The following VIL1 variants were observed in gnomAD, a reference collection of about 807,000 sequenced individuals.
VIL1 encodes villin 1, also known as villin-1.
In VIL1, 86 loss-of-function variants were observed where a neutral mutation model predicts 104.0. That is an observed-to-expected ratio of 0.83 (90% CI 0.69 to 0.99). The LOEUF (loss-of-function observed/expected upper bound fraction) is 0.99, where lower values mean the gene tolerates loss of function less well. Among genes scored for constraint, VIL1 ranks in the 50% least tolerant of loss-of-function variants. The pLI, the probability that VIL1 is intolerant of heterozygous loss-of-function variation, is 0.00. For missense variants in VIL1, 944 were observed against 1,054.1 expected (o/e 0.90, Z 1.45); for synonymous variants, 394 against 412.6 (o/e 0.95, Z 0.55).
intron 10 of VIL1, 104 bp downstream of exon 10, chr2:218,430,982 C>A: frequency 1.4e-6 from 2 of 1,442,104 alleles, no homozygotes; most frequent in Non-Finnish European, 1.9e-6. Flanking sequence ...GCATCTTCAA[C>A]GAAGACTTTT....
At chr2:218,443,354 C>T (rs754512608) in intron 19 of VIL1, among the ~76,000 whole-genome samples, 8 of 151,956 alleles carry the variant, frequency 5.3e-5, no homozygotes, top group Admixed American at 1.3e-4. Context: ...CACACCACCA[C>T]GCCTGTCTAA....
At chr2:218,420,020 C>T (rs1688872244) in intron 1 of VIL1, among the ~76,000 whole-genome samples, 1 of 152,164 alleles carries the variant, frequency 6.6e-6, no homozygotes, top group Non-Finnish European at 1.5e-5. Flanking sequence ...GACTTCACCC[C>T]CACTGCCCCA....
chr2:218,427,176 C>T (rs984913813), intron 4 of VIL1, among the ~76,000 whole-genome samples: 2 of 152,176 alleles, frequency 1.3e-5, no homozygotes, highest in African/African-American at 4.8e-5. Flanking sequence ...AGCCACAGTT[C>T]CCACTCTTTT....
chr2:218,432,655 C>A lies in VIL1; in HGVS notation c.1342-138C>A, dbSNP rs1170324580. The A allele has an allele frequency of 6.0e-6, 7 of 1,169,452 alleles. No individual in the cohort carries two copies. The East Asian group carries it at 1.5e-4, about 25-fold the overall frequency. 72.4% of individuals were successfully genotyped at this position (1,169,452 alleles called of 1,614,324 possible). A position where few individuals can be genotyped will look rare whatever the true frequency, so the allele number is the denominator to read the frequency against. On this transcript the variant is annotated intron_variant, in intron 12 of 19. Transcript: ENST00000248444. ...GTTCAGATTGGGGTTTTGGCTGTTT[C>A]ACAGTGGAGTTTGGTGGGGAAGACA...
intron 1 of VIL1, among the ~76,000 whole-genome samples, chr2:218,421,002 G>C: frequency 6.6e-6 from 1 of 152,294 alleles, no homozygotes; most frequent in East Asian, 1.9e-4. Context: ...TCATCACCAT[G>C]TGGTCAGGGG....
chr2:218,439,112 G>C (rs1474307651), intron 18 of VIL1, among the ~76,000 whole-genome samples: 1 of 151,566 alleles, frequency 6.6e-6, no homozygotes, highest in Non-Finnish European at 1.5e-5. Context: ...TGTATTTTTA[G>C]TAGAGACGAG....
Position 218,431,756 on chromosome 2 carries a change from T to G in VIL1, c.1103-101T>G, listed in dbSNP as rs1574815199. 1.5e-5 allele frequency: 15 copies of G among 1,011,300 alleles called. No homozygotes were observed. The East Asian group carries it at 2.3e-4, about 16-fold the overall frequency. 62.6% of individuals were successfully genotyped at this position (1,011,300 alleles called of 1,614,324 possible). On this transcript the variant is annotated intron_variant, in intron 10 of 19. Transcript: ENST00000248444. ...TCTCTCTTGCCTCGGTTTCCTCATC[T>G]GAAAATGAGTCTAAGAATTGTAGCC... is the stretch of plus-strand genomic sequence containing the variant.
At chr2:218,435,230 T>C in intron 14 of VIL1, 59 bp from the exon 15 acceptor site, 1 of 1,586,596 alleles carries the variant, frequency 6.3e-7, no homozygotes, top group South Asian at 1.2e-5. Flanking sequence ...GCAGTGAATG[T>C]AGTAGGAGGG....
Position 218,432,802 on chromosome 2 carries a change from G to C in VIL1, c.1351G>C (p.Ala451Pro). 6.2e-7 allele frequency: 1 copy of C among 1,614,070 alleles called. No individual in the cohort carries two copies. The highest frequency in any genetic ancestry group is 8.5e-7 in the Non-Finnish European group (1 of 1,180,000). The change falls in exon 13 of 20, where the codon GCC becomes CCC. Residue 451 changes from alanine (A) to proline (P), a missense_variant. By Grantham distance (27) the Ala-to-Pro change is conservative. Transcript: ENST00000248444. ...YLLYVWQGSQ[A>P]SQDEITASAY... ...TCCTGCTCATCCCCAGGGCAGCCAG[G>C]CCAGCCAAGATGAAATTACAGCATC...
chr2:218,444,132 ATTTG>A (rs1177573146), intron 19 of VIL1, among the ~76,000 whole-genome samples: 1 of 149,880 alleles, frequency 6.7e-6, no homozygotes, highest in Non-Finnish European at 1.5e-5. Context: ...TACCCGGCTA[ATTTG>A]TTTTTGTATT....
intron 13 of VIL1, among the ~76,000 whole-genome samples, chr2:218,433,460 G>T (rs928318027): frequency 6.6e-6 from 1 of 151,768 alleles, no homozygotes; most frequent in Non-Finnish European, 1.5e-5. Flanking sequence ...AAAAAATGCC[G>T]GTTGCGGTGG....
rs1689125141 is a variant in VIL1 at position 218,432,912 on chromosome 2, T to G, written c.1461T>G (p.His487Gln). ...IRVPMGKEPPHLMSIFKGRMV... is the reference protein window; with the variant it reads ...IRVPMGKEPPQLMSIFKGRMV... The stretch of plus-strand genomic sequence containing the variant: ...TCCCAATGGGCAAGGAGCCACCTCA[T>G]CTTATGTCCATCTTCAAGGGACGCA... The change falls in exon 13 of 20, where the codon CAT becomes CAG. Residue 487 changes from histidine (H) to glutamine (Q), a missense_variant. By Grantham distance (24) the His-to-Gln change is conservative. Transcript: ENST00000248444. 2 of 1,614,046 alleles carry G rather than the reference T, an allele frequency of 1.2e-6. No individual in the cohort carries two copies. The highest frequency in any genetic ancestry group is 2.7e-5 in the African/African-American group (2 of 74,916).
intron 15 of VIL1, 114 bp downstream of exon 15, chr2:218,435,548 G>A (rs1689174708): frequency 3.6e-6 from 5 of 1,400,504 alleles, no homozygotes; most frequent in Non-Finnish European, 4.8e-6. Context: ...TGTGTGTCAG[G>A]CACTGTGCCA....
rs1223623944 is a variant in VIL1 at position 218,452,998 on chromosome 2, A to G, written c.*3662A>G. ...AAACAAATATTTTCCTCTGCTCTAA[A>G]CTACTCTGGCGTTTTCTACCACTCT... On this transcript the variant is annotated 3_prime_UTR_variant, in exon 20 of 20. Transcript: ENST00000248444. The G allele has an allele frequency of 6.6e-6, 1 of 152,100 alleles. No individual in the cohort carries two copies. The highest frequency in any genetic ancestry group is 1.5e-5 in the Non-Finnish European group (1 of 68,012). 9.4% of individuals were successfully genotyped at this position (152,100 alleles called of 1,614,324 possible). A position where few individuals can be genotyped will look rare whatever the true frequency, so the allele number is the denominator to read the frequency against.
Position 218,440,845 on chromosome 2 carries a change from G to A in VIL1, c.2353G>A (p.Asp785Asn). The A allele has an allele frequency of 1.9e-6, 3 of 1,614,122 alleles. No homozygotes were observed. The highest frequency in any genetic ancestry group is 2.5e-6 in the Non-Finnish European group (3 of 1,179,996). ...KPVEELPEGV[D>N]PSRKEEHLSI... ...TGTAGAGGAGCTCCCCGAGGGTGTG[G>A]ACCCCAGCAGGAAGGAGGTAGGTCA... Residue 785 changes from aspartate (D) to asparagine (N), a missense_variant, in exon 19 of 20, where the codon GAC becomes AAC. Transcript: ENST00000248444.
rs974901439 is a variant in VIL1 at position 218,423,635 on chromosome 2, G to C, written c.-11-133G>C. 3 of 772,184 alleles carry C rather than the reference G, an allele frequency of 3.9e-6. No individual in the cohort carries two copies. In the African/African-American group the frequency reaches 5.2e-5, roughly 13 times the overall value. The allele number at this position is 772,184 out of a possible 1,614,324, so 47.8% of individuals were successfully genotyped here. On this transcript the variant is annotated intron_variant, in intron 1 of 19. Coordinates refer to ENST00000248444, the MANE Select transcript of VIL1 (RefSeq NM_007127.3). ...ACAAGCGGAAATGGTCCCTGAGTGG[G>C]GAGTAACCCTCTGTGCTCCCCCAAG...
At chr2:218,427,226 C>T (rs1165512787) in intron 4 of VIL1, among the ~76,000 whole-genome samples, 2 of 152,180 alleles carry the variant, frequency 1.3e-5, no homozygotes, top group Non-Finnish European at 2.9e-5. Flanking sequence ...GGCAGTAGTC[C>T]ACTGCCATGG....
rs190672434 is a variant in VIL1 at position 218,446,849 on chromosome 2, C to T, written c.2371-2374C>T. 5.2e-3 allele frequency among the ~76,000 whole-genome samples: 774 copies of T among 149,178 alleles called. 4 individuals carry two copies. The highest frequency in any genetic ancestry group is 7.6e-3 in the Non-Finnish European group (514 of 67,822). On this transcript the variant is annotated intron_variant, in intron 19 of 19. Transcript: ENST00000248444. ...GTGCGATCTCGCTCACTGCAATCTC[C>T]GCCTCCCAAGTTGAAGCAATTCTCC...
At chr2:218,444,278 AT>A (rs1012106408) in intron 19 of VIL1, among the ~76,000 whole-genome samples, 2 of 146,688 alleles carry the variant, frequency 1.4e-5, no homozygotes, top group African/African-American at 5.1e-5. Flanking sequence ...ACTGAAGCTG[AT>A]TTTTTTTCTT....
Sources: gnomAD v4.1 joint callset for allele counts (sites outside exome capture counted in the v4.1 genomes callset) on GRCh38, gnomAD v4.1.1 for gene constraint, MANE v1.5 for transcripts, NCBI Gene and HGNC (gene_info 2026-07-23, HGNC 2026-07-21) for gene names.